Variants in TEC observed in about 807,000 individuals in gnomAD.
TEC encodes the protein tec protein tyrosine kinase.
Under a neutral mutation model 93.0 loss-of-function variants are expected in TEC, and 72 were observed. The observed-to-expected ratio is 0.77, with a 90% CI of 0.64 to 0.94. The LOEUF (loss-of-function observed/expected upper bound fraction) is 0.94, where lower values mean the gene tolerates loss of function less well. TEC is among the 40% of genes least tolerant of loss of function. The probability of loss-of-function intolerance (pLI) is 0.00; values close to 1 mark genes in which losing one functional copy is unlikely to be tolerated. For missense variants in TEC, 630 were observed against 757.9 expected (o/e 0.83, Z 1.98); for synonymous variants, 249 against 247.7 (o/e 1.01, Z -0.05).
chr4:48,199,718 C>T (rs935193321), intron 2 of TEC, among the ~76,000 whole-genome samples: 1 of 152,068 alleles, frequency 6.6e-6, no homozygotes, highest in East Asian at 1.9e-4. Context: ...CCACCCGCCT[C>T]GGCCTCCCAA....
chr4:48,167,860 C>A lies in TEC; in HGVS notation c.589G>T (p.Asp197Tyr). The change falls in exon 7 of 18, where the codon GAT becomes TAT. Residue 197 changes from aspartate (D) to tyrosine (Y), a missense_variant. Around this residue, in one of 3 missense-constraint regions of TEC, gnomAD observed 335 missense variants for 351.5 expected, o/e 0.95. Transcript: ENST00000381501. Reference sequence around the variant, plus strand: ...TCTTGGCCTCTCTCTAATCTGAGATCATGTCCTTCTGCTGCTTGGAAATCA... The same window carrying A: ...TCTTGGCCTCTCTCTAATCTGAGATAATGTCCTTCTGCTGCTTGGAAATCA... ...MYDFQAAEGH[D>Y]LRLERGQEYL... The A allele has an allele frequency of 6.2e-7, 1 of 1,613,872 alleles. No homozygotes were observed. Among genetic ancestry groups the A allele is most frequent in the South Asian group, 1.1e-5 (1 of 91,064 alleles).
chr4:48,227,319 G>A (rs1723499037), intron 2 of TEC, among the ~76,000 whole-genome samples: 2 of 152,070 alleles, frequency 1.3e-5, no homozygotes, highest in Non-Finnish European at 2.9e-5. Flanking sequence ...CAACGTCTGA[G>A]GAAGATACTC....
At chr4:48,178,184 T>TATATCTGC (rs1313373721) in intron 2 of TEC, among the ~76,000 whole-genome samples, 1 of 144,002 alleles carries the variant, frequency 6.9e-6, no homozygotes, top group Non-Finnish European at 1.5e-5. Context: ...AGCCCTTGTG[T>TATATCTGC]AGTGAAGAGA....
chr4:48,180,573 G>A (rs1301562221), intron 2 of TEC, among the ~76,000 whole-genome samples: 2 of 152,164 alleles, frequency 1.3e-5, no homozygotes, highest in Non-Finnish European at 2.9e-5. Context: ...ATTTTTAAAG[G>A]ATAAGTATGA....
At chr4:48,225,665 T>C (rs1161111950) in intron 2 of TEC, among the ~76,000 whole-genome samples, 1 of 152,182 alleles carries the variant, frequency 6.6e-6, no homozygotes, top group African/African-American at 2.4e-5. Context: ...GTCAGAACTT[T>C]TGTTATTTTA....
intron 1 of TEC, among the ~76,000 whole-genome samples, chr4:48,265,660 G>A (rs1577679588): frequency 1.3e-5 from 2 of 151,750 alleles, no homozygotes; most frequent in East Asian, 1.9e-4. Flanking sequence ...TTACAGGGGT[G>A]AGCCACCACG....
At chr4:48,185,601 T>C (rs1413445833) in intron 2 of TEC, among the ~76,000 whole-genome samples, 1 of 152,206 alleles carries the variant, frequency 6.6e-6, no homozygotes, top group Non-Finnish European at 1.5e-5. Flanking sequence ...ATTTATATTT[T>C]ATAAAGTGTT....
intron 17 of TEC, 103 bp downstream of exon 17, chr4:48,138,562 A>G: frequency 2.2e-6 from 3 of 1,349,002 alleles, no homozygotes; most frequent in Non-Finnish European, 3.0e-6. Flanking sequence ...TGAAATCACT[A>G]TAAAGATGCA....
At chr4:48,183,758 C>T (rs1721692385) in intron 2 of TEC, among the ~76,000 whole-genome samples, 1 of 152,176 alleles carries the variant, frequency 6.6e-6, no homozygotes, top group Admixed American at 6.5e-5. Flanking sequence ...TGCGTGAGCC[C>T]ATTTCCATAA....
intron 2 of TEC, among the ~76,000 whole-genome samples, chr4:48,221,964 T>C (rs1321031583): frequency 1.3e-5 from 2 of 152,112 alleles, no homozygotes; most frequent in African/African-American, 4.8e-5. Context: ...GATATGTAAA[T>C]AGTCAGGTAG....
rs561838720 is a variant in TEC at position 48,244,460 on chromosome 4, C to T, written c.-45-15801G>A. ...TTTTATAATCATCAGATCTTGTAGA[C>T]TTATTCACTATCACAAGAACAGCAT... On this transcript the variant is annotated intron_variant, in intron 1 of 17. Coordinates refer to ENST00000381501, the MANE Select transcript of TEC (RefSeq NM_003215.3). 2.1e-4 allele frequency among the ~76,000 whole-genome samples: 32 copies of T among 152,302 alleles called. No individual in the cohort carries two copies. The East Asian group carries it at 6.2e-3, about 29-fold the overall frequency.
At position 48,268,121 on chromosome 4, in the gene TEC, GC is replaced by G. The variant is rs779301682; in HGVS notation, c.-46+1630del. Among the ~76,000 whole-genome samples the G allele has an allele frequency of 1.4e-4, 21 of 152,246 alleles. No homozygotes were observed. In the East Asian group the frequency reaches 4.0e-3, roughly 29 times the overall value. On this transcript the variant is annotated intron_variant, in intron 1 of 17. Coordinates refer to ENST00000381501, the MANE Select transcript of TEC (RefSeq NM_003215.3). ...ATTTTCCACGGTTTGGTAAAACATA[GC>G]TGCTGCCCTTGAGTAACTAGCTGCT...
intron 3 of TEC, among the ~76,000 whole-genome samples, chr4:48,173,414 C>A (rs1032213250): frequency 7.1e-6 from 1 of 141,678 alleles, no homozygotes; most frequent in Non-Finnish European, 1.6e-5. Flanking sequence ...CTAGGAATAG[C>A]ACCCTGTTTT....
At chr4:48,237,274 C>G (rs1468413020) in intron 1 of TEC, among the ~76,000 whole-genome samples, 1 of 148,430 alleles carries the variant, frequency 6.7e-6, no homozygotes, top group Non-Finnish European at 1.5e-5. Flanking sequence ...GAGCCAAGAT[C>G]GTGCGACTGC....
At chr4:48,207,864 C>A (rs1189267365) in intron 2 of TEC, among the ~76,000 whole-genome samples, 1 of 152,132 alleles carries the variant, frequency 6.6e-6, no homozygotes, top group Non-Finnish European at 1.5e-5. Context: ...CCTTATTGCA[C>A]TCCACTAAAA....
At chr4:48,144,972 G>A (rs960630164) in intron 14 of TEC, 107 bp downstream of exon 14, 7 of 948,274 alleles carry the variant, frequency 7.4e-6, no homozygotes, top group Non-Finnish European at 1.2e-5. Context: ...AATGGTGAAA[G>A]ATTGTTAAGA....
intron 1 of TEC, among the ~76,000 whole-genome samples, chr4:48,241,345 A>G (rs1723917883): frequency 6.6e-6 from 1 of 152,158 alleles, no homozygotes; most frequent in Admixed American, 6.5e-5. Context: ...TGAGACTAGG[A>G]CATAAAAGCC....
chr4:48,193,557 A>G (rs780311937), intron 2 of TEC, among the ~76,000 whole-genome samples: 2 of 152,120 alleles, frequency 1.3e-5, no homozygotes, highest in Non-Finnish European at 2.9e-5. Context: ...CAAGGGAGAG[A>G]TGGTTATCAT....
intron 1 of TEC, among the ~76,000 whole-genome samples, chr4:48,229,132 A>G (rs1723574052): frequency 6.6e-6 from 1 of 152,088 alleles, no homozygotes; most frequent in Non-Finnish European, 1.5e-5. Context: ...TATGATTCAT[A>G]CTCCAGCTCT....
Sources: allele counts gnomAD v4.1 joint callset (sites outside exome capture counted in the v4.1 genomes callset), GRCh38; gene constraint gnomAD v4.1.1; regional missense constraint gnomAD v4.1.1; transcripts MANE v1.5; gene names NCBI Gene and HGNC (gene_info 2026-07-23, HGNC 2026-07-21).